Variants in ANO10 observed in about 807,000 individuals in gnomAD.
The protein encoded by ANO10 is anoctamin-10.
Under a neutral mutation model 74.7 loss-of-function variants are expected in ANO10, and 77 were observed. The ratio of observed to expected loss-of-function variants is 1.03; its 90% CI spans 0.86 to 1.25. ANO10 has a LOEUF of 1.25. Among genes scored for constraint, ANO10 ranks in the 50% most tolerant of loss-of-function variants. The pLI, the probability that ANO10 is intolerant of heterozygous loss-of-function variation, is 0.00. For missense variants in ANO10, 721 were observed against 778.1 expected (o/e 0.93, Z 0.87); for synonymous variants, 279 against 284.9 (o/e 0.98, Z 0.21).
At chr3:43,470,630 G>A (rs13322728) in intron 11 of ANO10, among the ~76,000 whole-genome samples, 1 of 129,612 alleles carries the variant, frequency 7.7e-6, no homozygotes, top group Admixed American at 8.3e-5. Flanking sequence ...ATTTATTTAT[G>A]TATTTATTTA....
intron 11 of ANO10, among the ~76,000 whole-genome samples, chr3:43,490,588 A>T (rs1290958389): frequency 6.6e-6 from 1 of 152,244 alleles, no homozygotes; most frequent in Non-Finnish European, 1.5e-5. Context: ...TAGACCATAG[A>T]AAAAGATGGA....
chr3:43,686,758 CAG>C (rs1478620725), intron 1 of ANO10, among the ~76,000 whole-genome samples: 3 of 152,174 alleles, frequency 2.0e-5, no homozygotes, highest in South Asian at 2.1e-4. Context: ...GCTACTGTAT[CAG>C]AGAGTGTGGG....
intron 11 of ANO10, among the ~76,000 whole-genome samples, chr3:43,501,349 C>T (rs2077093710): frequency 6.6e-6 from 1 of 152,156 alleles, no homozygotes; most frequent in South Asian, 2.1e-4. Flanking sequence ...AGGGATCTGC[C>T]CGCATGACCC....
At chr3:43,588,295 A>C (rs934106259) in intron 4 of ANO10, among the ~76,000 whole-genome samples, 9 of 152,148 alleles carry the variant, frequency 5.9e-5, no homozygotes, top group African/African-American at 2.2e-4. Flanking sequence ...AAAGATACAA[A>C]TATAAACCAA....
At chr3:43,383,348 G>C (rs2092023754) in intron 12 of ANO10, among the ~76,000 whole-genome samples, 1 of 151,754 alleles carries the variant, frequency 6.6e-6, no homozygotes, top group Admixed American at 6.6e-5. Context: ...CAGCTACTTA[G>C]GAGGCTGACA....
chr3:43,582,223 G>A (rs887048963), intron 4 of ANO10, among the ~76,000 whole-genome samples: 36 of 152,048 alleles, frequency 2.4e-4, no homozygotes, highest in African/African-American at 7.5e-4. Flanking sequence ...AGGCCAAGGC[G>A]GGTGGATCAC....
At chr3:43,640,735 G>T (rs2083663140) in intron 1 of ANO10, among the ~76,000 whole-genome samples, 1 of 152,136 alleles carries the variant, frequency 6.6e-6, no homozygotes, top group Non-Finnish European at 1.5e-5. Flanking sequence ...GACCTTGAAG[G>T]TCTCTCAGAG....
At chr3:43,568,463 A>G (rs2080498885) in intron 7 of ANO10, among the ~76,000 whole-genome samples, 1 of 152,034 alleles carries the variant, frequency 6.6e-6, no homozygotes, top group African/African-American at 2.4e-5. Flanking sequence ...AATGTAAAAG[A>G]ACAGAAATTA....
At chr3:43,581,431 T>A (rs565823984) in intron 4 of ANO10, among the ~76,000 whole-genome samples, 6 of 152,188 alleles carry the variant, frequency 3.9e-5, no homozygotes, top group African/African-American at 1.4e-4. Context: ...AAATGAAAAT[T>A]TGGAATTCTG....
chr3:43,508,648 C>T (rs1177647483), intron 11 of ANO10, among the ~76,000 whole-genome samples: 2 of 151,988 alleles, frequency 1.3e-5, no homozygotes, highest in Non-Finnish European at 2.9e-5. Context: ...TTTGTGGGGA[C>T]ATGGATGAAG....
At chr3:43,416,780 C>G (rs895906330) in intron 12 of ANO10, among the ~76,000 whole-genome samples, 2 of 152,184 alleles carry the variant, frequency 1.3e-5, no homozygotes, top group South Asian at 2.1e-4. Context: ...CCCATCCATT[C>G]CCAGCCTCTT....
chr3:43,554,566 T>C (rs758571118), intron 10 of ANO10, among the ~76,000 whole-genome samples: 1 of 152,192 alleles, frequency 6.6e-6, no homozygotes, highest in Non-Finnish European at 1.5e-5. Flanking sequence ...TTAAACCTTC[T>C]GTTTTAGTTG....
At chr3:43,507,444 C>G (rs1270055960) in intron 11 of ANO10, among the ~76,000 whole-genome samples, 1 of 152,152 alleles carries the variant, frequency 6.6e-6, no homozygotes, top group Non-Finnish European at 1.5e-5. Flanking sequence ...CTTCAACATG[C>G]AGCTGGGTCA....
intron 12 of ANO10, among the ~76,000 whole-genome samples, chr3:43,404,894 A>AAAAAC (rs1484386021): frequency 1.3e-5 from 2 of 150,326 alleles, no homozygotes; most frequent in African/African-American, 4.9e-5. Context: ...AAAAAAAAAA[A>AAAAAC]ACCACCAAAA....
intron 4 of ANO10, among the ~76,000 whole-genome samples, chr3:43,586,519 A>T (rs1304061012): frequency 6.6e-6 from 1 of 152,198 alleles, no homozygotes; most frequent in Non-Finnish European, 1.5e-5. Flanking sequence ...GTCCAGGAAA[A>T]ATAAGGGTTC....
chr3:43,461,118 TCTAG>T (rs1279517068), intron 11 of ANO10, among the ~76,000 whole-genome samples: 4 of 151,878 alleles, frequency 2.6e-5, no homozygotes, highest in African/African-American at 4.8e-5. Context: ...AAACTAAACC[TCTAG>T]CTAAACTAAT....
chr3:43,412,287 G>A (rs1028071233), intron 12 of ANO10, among the ~76,000 whole-genome samples: 2 of 152,068 alleles, frequency 1.3e-5, no homozygotes, highest in African/African-American at 2.4e-5. Flanking sequence ...CTTGACAGGC[G>A]TGTGTGGGGC....
At chr3:43,657,884 T>G (rs1051030399) in intron 1 of ANO10, among the ~76,000 whole-genome samples, 3 of 152,238 alleles carry the variant, frequency 2.0e-5, no homozygotes. Context: ...TTTTATTTAT[T>G]GTGTGGAAAA....
chr3:43,587,352 G>A (rs2081526182), intron 4 of ANO10, among the ~76,000 whole-genome samples: 1 of 152,174 alleles, frequency 6.6e-6, no homozygotes, highest in Non-Finnish European at 1.5e-5. Flanking sequence ...CCACAGTCTA[G>A]AATGGTGCAG....
Sources: allele counts gnomAD v4.1 joint callset (sites outside exome capture counted in the v4.1 genomes callset), GRCh38; gene constraint gnomAD v4.1.1; transcripts MANE v1.5; gene names NCBI Gene and HGNC (gene_info 2026-07-23, HGNC 2026-07-21).